The following PLK4 variants were observed in gnomAD, a reference collection of about 807,000 sequenced individuals.
PLK4 encodes polo like kinase 4, also known as serine/threonine-protein kinase PLK4.
In PLK4, 51 loss-of-function variants were observed where a neutral mutation model predicts 103.0. That is an observed-to-expected ratio of 0.50 (90% CI 0.40 to 0.63). The LOEUF (loss-of-function observed/expected upper bound fraction) is 0.63, where lower values mean the gene tolerates loss of function less well. Among genes scored for constraint, PLK4 ranks in the 20% least tolerant of loss-of-function variants. The probability of loss-of-function intolerance (pLI) is 0.00; values close to 1 mark genes in which losing one functional copy is unlikely to be tolerated. For synonymous variants in PLK4, 389 were observed against 376.8 expected (o/e 1.03, Z -0.38); for missense variants, 1,054 against 1,151.0 (o/e 0.92, Z 1.22).
chr4:127,895,823 A>T (rs1490593139), intron 14 of PLK4, among the ~76,000 whole-genome samples: 3 of 152,186 alleles, frequency 2.0e-5, no homozygotes, highest in Admixed American at 2.0e-4. Flanking sequence ...CAGTTACTCA[A>T]GAATCTGAGG....
rs1560696640 is a variant in PLK4 at position 127,889,888 on chromosome 4, A to ATAT, written c.1483_1485dup (p.Tyr495dup). 2 of 1,606,160 alleles carry ATAT rather than the reference A, an allele frequency of 1.2e-6. No individual in the cohort carries two copies. The highest frequency in any genetic ancestry group is 1.7e-6 in the Non-Finnish European group (2 of 1,177,170). On this transcript the variant is annotated inframe_insertion, in exon 7 of 16. Transcript: ENST00000270861. ...TAGCTCATTTAAGAAAAACTACTGAATATGACAGCATCAGCCCAAACCGGG... is the reference window on the plus strand; with the variant it reads ...TAGCTCATTTAAGAAAAACTACTGAATATTATGACAGCATCAGCCCAAACCGGG...
At chr4:127,884,932 C>G (rs982541463) in intron 4 of PLK4, among the ~76,000 whole-genome samples, 2 of 151,060 alleles carry the variant, frequency 1.3e-5, no homozygotes, top group Non-Finnish European at 3.0e-5. Flanking sequence ...GATCAAGACT[C>G]CATCTAAAAA....
rs751706238 is a variant in PLK4, at chr4:127,889,915, C to T, written c.1509C>T (p.Asp503=). The T allele has an allele frequency of 1.2e-6, 2 of 1,613,250 alleles. No individual in the cohort carries two copies. The highest frequency in any genetic ancestry group is 8.5e-7 in the Non-Finnish European group (1 of 1,179,548). The change falls in exon 7 of 16, where the codon GAC becomes GAT. Residue 503 remains aspartate (D), a synonymous_variant. Coordinates refer to ENST00000270861, the MANE Select transcript of PLK4 (RefSeq NM_014264.5). The part of the protein sequence containing the change: ...TEYDSISPNR[D]FQGHPDLQKD... Reference sequence around the variant, plus strand: ...ATGACAGCATCAGCCCAAACCGGGACTTCCAGGGCCATCCAGATTTGCAGA... The same window carrying T: ...ATGACAGCATCAGCCCAAACCGGGATTTCCAGGGCCATCCAGATTTGCAGA...
intron 7 of PLK4, 122 bp downstream of exon 7, chr4:127,890,358 T>TA: frequency 1.6e-6 from 1 of 614,638 alleles, no homozygotes; most frequent in East Asian, 3.0e-5. Flanking sequence ...TGATCAACTT[T>TA]ATTAAAGAGA....
At chr4:127,892,867 C>CA (rs1369109755) in intron 10 of PLK4, among the ~76,000 whole-genome samples, 1 of 151,854 alleles carries the variant, frequency 6.6e-6, no homozygotes, top group Non-Finnish European at 1.5e-5. Flanking sequence ...ATAAATGTAG[C>CA]AAAAAGGATA....
intron 15 of PLK4, among the ~76,000 whole-genome samples, chr4:127,898,207 T>TG (rs1289293035): frequency 1.3e-5 from 2 of 152,182 alleles, no homozygotes; most frequent in Admixed American, 6.5e-5. Context: ...AGTTCAAGTT[T>TG]ATCTAATTTT....
At chr4:127,881,275 G>A (rs903340400) in intron 1 of PLK4, 111 bp downstream of exon 1, 14 of 1,572,608 alleles carry the variant, frequency 8.9e-6, no homozygotes, top group Admixed American at 3.8e-5. Context: ...GGCGGGCACC[G>A]AGGTGCTTAG....
At position 127,885,848 on chromosome 4, in the gene PLK4, C is replaced by A. The variant is rs866317939; in HGVS notation, c.478C>A (p.Gln160Lys). ...IKIADFGLAT[Q>K]LKMPHEKHYT... ...GATTGCTGATTTTGGGCTGGCAACT[C>A]AACTGAAAATGCCACATGAAAAGCA... Residue 160 changes from glutamine to lysine, a missense_variant, in exon 5 of 16, where the codon CAA (glutamine) becomes AAA (lysine). By Grantham distance (53) the Gln-to-Lys change is moderately conservative. Coordinates refer to ENST00000270861, the MANE Select transcript of PLK4 (RefSeq NM_014264.5). The A allele has an allele frequency of 8.1e-6, 13 of 1,613,962 alleles. No individual in the cohort carries two copies. In the African/African-American group the frequency reaches 1.6e-4, roughly 20 times the overall value.
intron 2 of PLK4, among the ~76,000 whole-genome samples, chr4:127,882,345 G>A (rs1045204274): frequency 6.6e-6 from 1 of 152,212 alleles, no homozygotes; most frequent in African/African-American, 2.4e-5. Context: ...TGTCAGCCGG[G>A]TGGGTGGCTC....
chr4:127,881,497 CCGGCGGGAGCTG>C (rs1734925262), intron 1 of PLK4: 3 of 930,192 alleles, frequency 3.2e-6, no homozygotes, highest in Admixed American at 6.6e-5. Context: ...GCGGTTATCT[CCGGCGGGAGCTG>C]CGGCGGGATT....
intron 1 of PLK4, 186 bp downstream of exon 1, chr4:127,881,350 A>G (rs555550831): frequency 1.4e-6 from 2 of 1,446,658 alleles, no homozygotes; most frequent in Admixed American, 2.7e-5. Context: ...TCAAGAGACA[A>G]GAGTAGGGAA....
intron 13 of PLK4, 56 bp downstream of exon 13, chr4:127,893,937 CCTT>C (rs1735465012): frequency 2.1e-6 from 2 of 945,408 alleles, no homozygotes; most frequent in Admixed American, 4.0e-5. Context: ...TGCCTGATGC[CCTT>C]CTTGTAAAAT....
At chr4:127,883,730 A>T (rs1735017973) in intron 4 of PLK4, among the ~76,000 whole-genome samples, 177 bp downstream of exon 4, 1 of 152,216 alleles carries the variant, frequency 6.6e-6, no homozygotes, top group African/African-American at 2.4e-5. Flanking sequence ...AAAACAATTC[A>T]ATTATTACGG....
chr4:127,889,071 T>A (rs1378686083), intron 6 of PLK4, among the ~76,000 whole-genome samples: 1 of 152,192 alleles, frequency 6.6e-6, no homozygotes, highest in Non-Finnish European at 1.5e-5. Flanking sequence ...TTGTTTATAA[T>A]AATCCAGTAG....
intron 7 of PLK4, among the ~76,000 whole-genome samples, chr4:127,890,681 C>T (rs1189487679): frequency 2.0e-5 from 3 of 152,040 alleles, no homozygotes; most frequent in Admixed American, 1.3e-4. Flanking sequence ...GGCATATACA[C>T]ATTTAAGTTT....
At chr4:127,892,194 A>G in intron 9 of PLK4, 171 bp from the exon 10 acceptor site, 1 of 433,896 alleles carries the variant, frequency 2.3e-6, no homozygotes, top group East Asian at 4.0e-5. Flanking sequence ...GTTTCTGGAT[A>G]TTATGGACTA....
In PLK4 at chr4:127,886,181, AC is replaced by A; in HGVS notation, c.812del (p.Thr271LysfsTer6). The A allele has an allele frequency of 6.2e-7, 1 of 1,614,106 alleles. No individual in the cohort carries two copies. The highest frequency in any genetic ancestry group is 1.1e-5 in the South Asian group (1 of 91,042). On this transcript the variant is annotated frameshift_variant, in exon 5 of 16. Coordinates refer to ENST00000270861, the MANE Select transcript of PLK4 (RefSeq NM_014264.5). LOFTEE classifies it high-confidence loss of function. ...DHPFMSRNSSTKSKDLGTVED... is the reference protein window; with the variant it reads ...DHPFMSRNSSXKSKDLGTVED... ...TCCTTTTATGTCCCGAAATTCTTCA[AC>A]AAAAAGTAAAGATTTAGGAACTGTG...
chr4:127,884,329 T>A (rs1735036417), intron 4 of PLK4, among the ~76,000 whole-genome samples: 1 of 152,224 alleles, frequency 6.6e-6, no homozygotes, highest in Non-Finnish European at 1.5e-5. Flanking sequence ...TACATCTGAA[T>A]CTATATAAGC....
chr4:127,893,466 A>T, intron 11 of PLK4, 47 bp from the exon 12 acceptor site: 1 of 1,600,628 alleles, frequency 6.2e-7, no homozygotes, highest in Non-Finnish European at 8.5e-7. Flanking sequence ...AATGATTGCA[A>T]ATGACATAGG....
Sources: gnomAD v4.1 joint callset for allele counts (sites outside exome capture counted in the v4.1 genomes callset) on GRCh38, gnomAD v4.1.1 for gene constraint, MANE v1.5 for transcripts, NCBI Gene and HGNC (gene_info 2026-07-23, HGNC 2026-07-21) for gene names.